The following SCFD2 variants were observed in gnomAD, a reference collection of about 807,000 sequenced individuals.
The protein encoded by SCFD2 is sec1 family domain containing 2.
SCFD2 carries 54 observed loss-of-function variants against 58.9 expected under a neutral mutation model. That is an observed-to-expected ratio of 0.92 (90% CI 0.74 to 1.15). The LOEUF (loss-of-function observed/expected upper bound fraction) is 1.15, where lower values mean the gene tolerates loss of function less well. Among genes scored for constraint, SCFD2 ranks in the 50% most tolerant of loss-of-function variants. The probability of loss-of-function intolerance (pLI) is 0.00; values close to 1 mark genes in which losing one functional copy is unlikely to be tolerated. For missense variants in SCFD2, 805 were observed against 836.6 expected (o/e 0.96, Z 0.47); for synonymous variants, 321 against 335.9 (o/e 0.96, Z 0.49).
chr4:53,080,684 G>A (rs1015112289), intron 5 of SCFD2, among the ~76,000 whole-genome samples: 10 of 152,214 alleles, frequency 6.6e-5, no homozygotes, highest in African/African-American at 2.4e-4. Flanking sequence ...GGGGTTGTGG[G>A]AAATCTTCAT....
chr4:52,993,609 T>A (rs1421328750), intron 5 of SCFD2, among the ~76,000 whole-genome samples: 1 of 152,048 alleles, frequency 6.6e-6, no homozygotes, highest in African/African-American at 2.4e-5. Flanking sequence ...TCAAGAAAAC[T>A]GAAGAAACGA....
intron 2 of SCFD2, among the ~76,000 whole-genome samples, chr4:53,344,396 T>G (rs932521426): frequency 1.3e-5 from 2 of 152,136 alleles, no homozygotes; most frequent in East Asian, 3.9e-4. Flanking sequence ...TTACAAGGGA[T>G]GTGAAGGACC....
rs530386012 is a variant in SCFD2 at position 52,873,653 on chromosome 4, T to C, written c.*316A>G. 3.1e-4 allele frequency: 64 copies of C among 206,140 alleles called. No individual in the cohort carries two copies. The highest frequency in any genetic ancestry group is 5.0e-4 in the Non-Finnish European group (51 of 102,406). 12.8% of individuals were successfully genotyped at this position (206,140 alleles called of 1,614,324 possible). A position where few individuals can be genotyped will look rare whatever the true frequency, so the allele number is the denominator to read the frequency against. ...TTGCCAACAGGCTTTTATTTAGAAC[T>C]AATGAACTTGTAGGTGGAATCAGGA... On this transcript the variant is annotated 3_prime_UTR_variant, in exon 9 of 9. Coordinates refer to ENST00000401642, the MANE Select transcript of SCFD2 (RefSeq NM_152540.4).
chr4:53,085,696 A>G (rs1724285516), intron 5 of SCFD2, among the ~76,000 whole-genome samples: 1 of 152,164 alleles, frequency 6.6e-6, no homozygotes, highest in African/African-American at 2.4e-5. Flanking sequence ...CACATAGACC[A>G]ATGAAACATA....
chr4:52,927,565 C>T (rs1719892000), intron 5 of SCFD2, among the ~76,000 whole-genome samples: 2 of 152,274 alleles, frequency 1.3e-5, no homozygotes, highest in South Asian at 4.1e-4. Context: ...CAAAAACATC[C>T]AATTTGGTTT....
intron 5 of SCFD2, among the ~76,000 whole-genome samples, chr4:53,085,834 G>A (rs1248474198): frequency 6.6e-6 from 1 of 152,146 alleles, no homozygotes; most frequent in Non-Finnish European, 1.5e-5. Flanking sequence ...ATATCCATAT[G>A]CAGAAGAATG....
At chr4:53,027,260 T>G (rs1318132777) in intron 5 of SCFD2, among the ~76,000 whole-genome samples, 2 of 151,810 alleles carry the variant, frequency 1.3e-5, no homozygotes, top group Non-Finnish European at 2.9e-5. Context: ...CACACTTCTT[T>G]TTTTTTTTTG....
At chr4:53,160,559 G>A (rs1726823274) in intron 4 of SCFD2, among the ~76,000 whole-genome samples, 1 of 152,182 alleles carries the variant, frequency 6.6e-6, no homozygotes, top group Non-Finnish European at 1.5e-5. Flanking sequence ...AGAAAACACA[G>A]AGGACAGAAT....
chr4:53,077,592 C>T (rs942676719), intron 5 of SCFD2, among the ~76,000 whole-genome samples: 1 of 152,006 alleles, frequency 6.6e-6, no homozygotes, highest in Non-Finnish European at 1.5e-5. Context: ...TGTGTGCCAC[C>T]GCACCCAGCT....
chr4:53,037,709 G>A (rs948947705), intron 5 of SCFD2, among the ~76,000 whole-genome samples: 1 of 152,142 alleles, frequency 6.6e-6, no homozygotes, highest in African/African-American at 2.4e-5. Flanking sequence ...ATGTAAAAGT[G>A]ATGCTTTTAC....
intron 3 of SCFD2, among the ~76,000 whole-genome samples, chr4:53,293,086 A>C (rs1731898874): frequency 6.6e-6 from 1 of 152,130 alleles, no homozygotes; most frequent in South Asian, 2.1e-4. Flanking sequence ...AAAAAAAGAA[A>C]ATGTAGTACA....
At chr4:53,239,466 G>T (rs113617350) in intron 4 of SCFD2, among the ~76,000 whole-genome samples, 1 of 149,662 alleles carries the variant, frequency 6.7e-6, no homozygotes, top group Non-Finnish European at 1.5e-5. Context: ...GGGAGAGAGC[G>T]TCCCCAATCT....
At chr4:52,877,837 T>C (rs1189360074) in intron 8 of SCFD2, among the ~76,000 whole-genome samples, 1 of 152,188 alleles carries the variant, frequency 6.6e-6, no homozygotes, top group Non-Finnish European at 1.5e-5. Context: ...CACTGCCCTC[T>C]GGTAAGCCCA....
intron 5 of SCFD2, among the ~76,000 whole-genome samples, chr4:53,027,160 A>T (rs1293011539): frequency 6.6e-6 from 1 of 152,050 alleles, no homozygotes; most frequent in African/African-American, 2.4e-5. Context: ...TTCTGCAAAC[A>T]CATCCTCTCA....
intron 4 of SCFD2, among the ~76,000 whole-genome samples, chr4:53,200,904 C>A (rs1347431161): frequency 6.6e-6 from 1 of 151,846 alleles, no homozygotes. Context: ...ATGTATAAAT[C>A]CATTCTAAAA....
chr4:52,928,083 T>C (rs1719903020), intron 5 of SCFD2, among the ~76,000 whole-genome samples: 1 of 152,094 alleles, frequency 6.6e-6, no homozygotes, highest in Non-Finnish European at 1.5e-5. Flanking sequence ...GCCTGTAATC[T>C]CAGAACTTTG....
chr4:53,201,782 T>A (rs1241367995), intron 4 of SCFD2, among the ~76,000 whole-genome samples: 1 of 152,238 alleles, frequency 6.6e-6, no homozygotes. Flanking sequence ...CCAGTGATGA[T>A]GAGCATTTTT....
intron 5 of SCFD2, among the ~76,000 whole-genome samples, chr4:52,959,334 C>T (rs1303854218): frequency 5.9e-5 from 9 of 152,032 alleles, no homozygotes; most frequent in Admixed American, 2.6e-4. Flanking sequence ...GGCTGCTCTA[C>T]CCAGAATCAC....
chr4:52,958,861 A>G (rs984002635), intron 5 of SCFD2, among the ~76,000 whole-genome samples: 1 of 152,234 alleles, frequency 6.6e-6, no homozygotes, highest in Admixed American at 6.5e-5. Flanking sequence ...ATAAATGAGA[A>G]CAATAAGCTG....
Sources: gnomAD v4.1 joint callset for allele counts (sites outside exome capture counted in the v4.1 genomes callset) on GRCh38, gnomAD v4.1.1 for gene constraint, MANE v1.5 for transcripts, NCBI Gene and HGNC (gene_info 2026-07-23, HGNC 2026-07-21) for gene names.